LDB2: variants seen among roughly 807,000 people sequenced by gnomAD.
LDB2 encodes the protein LIM domain binding 2.
LDB2 carries 12 observed loss-of-function variants against 44.3 expected under a neutral mutation model. That is an observed-to-expected ratio of 0.27 (90% CI 0.17 to 0.44). The LOEUF (loss-of-function observed/expected upper bound fraction) is 0.44, where lower values mean the gene tolerates loss of function less well. Among genes scored for constraint, LDB2 ranks in the 20% least tolerant of loss-of-function variants. LDB2 has a pLI of 1.00. For missense variants in LDB2, 344 were observed against 473.5 expected (o/e 0.73, Z 2.54); for synonymous variants, 164 against 174.8 (o/e 0.94, Z 0.49).
intron 1 of LDB2, among the ~76,000 whole-genome samples, chr4:16,858,482 G>C (rs1024598004): frequency 5.3e-5 from 8 of 152,190 alleles, no homozygotes; most frequent in Non-Finnish European, 1.0e-4. Context: ...GTGAAAAGAA[G>C]ACTTTTCCCC....
chr4:16,610,645 T>C (rs1188370646), intron 2 of LDB2, among the ~76,000 whole-genome samples: 1 of 148,156 alleles, frequency 6.7e-6, no homozygotes, highest in African/African-American at 2.5e-5. Context: ...AAATAAGACA[T>C]GCAGACAAGA....
chr4:16,509,871 T>C (rs1452319939), intron 6 of LDB2, among the ~76,000 whole-genome samples: 3 of 152,000 alleles, frequency 2.0e-5, no homozygotes, highest in African/African-American at 7.2e-5. Flanking sequence ...ATCCTAGCAT[T>C]TTGGGAGGAC....
intron 5 of LDB2, among the ~76,000 whole-genome samples, chr4:16,559,149 G>A (rs997923805): frequency 6.6e-6 from 1 of 152,166 alleles, no homozygotes; most frequent in African/African-American, 2.4e-5. Context: ...GGAAGAAACT[G>A]CATCAACTAA....
At chr4:16,719,711 G>A (rs1757840187) in intron 2 of LDB2, among the ~76,000 whole-genome samples, 1 of 152,030 alleles carries the variant, frequency 6.6e-6, no homozygotes, top group Admixed American at 6.6e-5. Context: ...GGTAACCCAG[G>A]TAATGCATTT....
intron 5 of LDB2, among the ~76,000 whole-genome samples, chr4:16,522,865 C>T (rs1726766754): frequency 6.6e-6 from 1 of 152,132 alleles, no homozygotes; most frequent in East Asian, 1.9e-4. Context: ...GAATCATCTG[C>T]CTGGAAATAC....
intron 2 of LDB2, among the ~76,000 whole-genome samples, chr4:16,654,439 C>G (rs1158580006): frequency 1.3e-5 from 2 of 152,138 alleles, no homozygotes; most frequent in African/African-American, 4.8e-5. Context: ...CCAGCATCAG[C>G]CCCATCCTTA....
chr4:16,799,416 G>A (rs2109724550), intron 1 of LDB2, among the ~76,000 whole-genome samples: 1 of 152,298 alleles, frequency 6.6e-6, no homozygotes, highest in South Asian at 2.1e-4. Context: ...CGGGATATAA[G>A]CCCCATGCCC....
At chr4:16,696,751 G>C (rs1752215792) in intron 2 of LDB2, among the ~76,000 whole-genome samples, 2 of 152,186 alleles carry the variant, frequency 1.3e-5, no homozygotes, top group Non-Finnish European at 2.9e-5. Flanking sequence ...CTCATTCCAT[G>C]ATGGGTCTAA....
chr4:16,741,168 C>A (rs775045199), intron 2 of LDB2, among the ~76,000 whole-genome samples: 7 of 152,202 alleles, frequency 4.6e-5, no homozygotes, highest in Non-Finnish European at 1.0e-4. Context: ...CATTCTGGGG[C>A]AGATCGTCGC....
intron 2 of LDB2, among the ~76,000 whole-genome samples, chr4:16,678,492 AG>A (rs1283257147): frequency 7.2e-5 from 11 of 152,090 alleles, no homozygotes; most frequent in Non-Finnish European, 1.5e-4. Context: ...TCAGGGGTGA[AG>A]GGGGGACCTT....
At chr4:16,860,823 C>T (rs1311826036) in intron 1 of LDB2, among the ~76,000 whole-genome samples, 1 of 152,188 alleles carries the variant, frequency 6.6e-6, no homozygotes, top group Non-Finnish European at 1.5e-5. Flanking sequence ...TCCAGCAATA[C>T]TGTGACCTTG....
intron 1 of LDB2, among the ~76,000 whole-genome samples, chr4:16,843,267 T>A (rs1355184664): frequency 6.6e-6 from 1 of 152,236 alleles, no homozygotes; most frequent in Non-Finnish European, 1.5e-5. Flanking sequence ...ATAATACATG[T>A]CTTTGGAAAG....
At chr4:16,709,042 T>A (rs1393976455) in intron 2 of LDB2, among the ~76,000 whole-genome samples, 1 of 152,134 alleles carries the variant, frequency 6.6e-6, no homozygotes, top group African/African-American at 2.4e-5. Context: ...CCTTGAACCA[T>A]CTGCTCAGCA....
intron 2 of LDB2, among the ~76,000 whole-genome samples, chr4:16,620,440 C>T (rs546090122): frequency 1.4e-3 from 210 of 152,166 alleles, no homozygotes; most frequent in Non-Finnish European, 2.1e-3. Context: ...ACATGAAGAA[C>T]CCAGCCAGGA....
intron 1 of LDB2, among the ~76,000 whole-genome samples, chr4:16,839,916 C>G (rs1785550653): frequency 6.6e-6 from 1 of 152,150 alleles, no homozygotes; most frequent in Non-Finnish European, 1.5e-5. Context: ...CACACACATA[C>G]ACACACATGC....
At chr4:16,689,200 T>C (rs551912722) in intron 2 of LDB2, among the ~76,000 whole-genome samples, 44 of 152,156 alleles carry the variant, frequency 2.9e-4, no homozygotes, top group African/African-American at 9.4e-4. Flanking sequence ...TCACCGAGGG[T>C]ACAAAGCTGA....
intron 2 of LDB2, among the ~76,000 whole-genome samples, chr4:16,749,989 T>C (rs1179185994): frequency 6.6e-6 from 1 of 152,106 alleles, no homozygotes; most frequent in Non-Finnish European, 1.5e-5. Context: ...CGTTGTACTT[T>C]TTATATTTTT....
intron 5 of LDB2, among the ~76,000 whole-genome samples, chr4:16,518,207 TCTC>T (rs1432402824): frequency 6.6e-6 from 1 of 152,136 alleles, no homozygotes; most frequent in East Asian, 1.9e-4. Context: ...ATCTGACAGT[TCTC>T]CTGGAGAAAT....
intron 7 of LDB2, among the ~76,000 whole-genome samples, chr4:16,504,832 G>A (rs1718729769): frequency 6.6e-6 from 1 of 152,202 alleles, no homozygotes; most frequent in Non-Finnish European, 1.5e-5. Flanking sequence ...AAAGAATAGG[G>A]CTAGGTTGTA....
Sources: gnomAD v4.1 joint callset for allele counts (sites outside exome capture counted in the v4.1 genomes callset) on GRCh38, gnomAD v4.1.1 for gene constraint, MANE v1.5 for transcripts, NCBI Gene and HGNC (gene_info 2026-07-23, HGNC 2026-07-21) for gene names.